The following PHACTR2 variants were observed in gnomAD, a reference collection of about 807,000 sequenced individuals.
PHACTR2 encodes the protein phosphatase and actin regulator 2.
In PHACTR2, 30 loss-of-function variants were observed where a neutral mutation model predicts 76.0. The observed-to-expected ratio is 0.39, with a 90% CI of 0.30 to 0.54. PHACTR2 has a LOEUF of 0.54. Ranked by LOEUF, PHACTR2 falls within the 20% of genes least tolerant of loss-of-function variation. PHACTR2 has a pLI of 0.61. For missense variants in PHACTR2, 696 were observed against 781.1 expected, an observed-to-expected ratio of 0.89 and a Z score of 1.30; for synonymous variants, 292 against 292.5, an observed-to-expected ratio of 1.00 and a Z score of 0.02.
rs1562322648 is a variant in PHACTR2 at position 143,827,158 on chromosome 6, ATATATATATATATATATATAT to A, written c.*3470_*3490del. On this transcript the variant is annotated 3_prime_UTR_variant, in exon 13 of 13. Coordinates refer to ENST00000440869, the MANE Select transcript of PHACTR2 (RefSeq NM_001100164.2). Reference sequence around the variant, plus strand: ...CTGCGTTGGCATTAAAAAAGAAAATATATATATATATATATATATATATATATATATATATATATATGTATA... The same window carrying A: ...CTGCGTTGGCATTAAAAAAGAAAATAATATATATATATATATATATGTATA... The A allele has an allele frequency of 5.2e-3, 177 of 33,806 alleles. 1 individual carries two copies. Among genetic ancestry groups the A allele is most frequent in the African/African-American group, 0.021 (168 of 8,170 alleles). 2.1% of individuals were successfully genotyped at this position (33,806 alleles called of 1,614,324 possible).
Position 143,549,461 on chromosome 6 carries a change from A to T in PHACTR2, c.217+12254A>T, listed in dbSNP as rs920522009. 2.6e-5 allele frequency among the ~76,000 whole-genome samples: 4 copies of T among 151,932 alleles called. No homozygotes were observed. Among genetic ancestry groups the T allele is most frequent in the African/African-American group, 7.2e-5 (3 of 41,500 alleles). On this transcript the variant is annotated intron_variant, in intron 1 of 11. Coordinates refer to the PHACTR2 transcript ENST00000367584. This position sits in a 1 kb window ranked among gnomAD's most constrained non-coding sequence, Gnocchi z 4.2. The stretch of plus-strand genomic sequence containing the variant: ...CCAGATCTGGATTTATTGTTTTTTT[A>T]TGGGGGTGACTGCTCCTTAGGCAGC...
Position 143,656,879 on chromosome 6 carries a change from G to A in PHACTR2, c.13+48557G>A, listed in dbSNP as rs1450366997. Among the ~76,000 whole-genome samples, 1 of 152,194 alleles carries A rather than the reference G, an allele frequency of 6.6e-6. No homozygotes were observed. The highest frequency in any genetic ancestry group is 2.4e-5 in the African/African-American group (1 of 41,448). ...CCAGGTTTCAAATGAACATAGGCTT[G>A]ATTGGCCACACGAAAATTTAAATAT... On this transcript the variant is annotated intron_variant, in intron 1 of 11. Transcript: ENST00000305766. This position sits in a 1 kb window ranked among gnomAD's most constrained non-coding sequence, Gnocchi z 5.3.
rs1015440217 is a variant in PHACTR2, at chr6:143,547,282, A to T, written c.217+10075A>T. On this transcript the variant is annotated intron_variant, in intron 1 of 11. Transcript: ENST00000367584. The surrounding 1 kb of genome is among the most constrained non-coding windows in gnomAD (Gnocchi z 4.2). ...AAAATCATGTCTACATTTGAGTGAC[A>T]TAGATGTACTGTCACTGAGGAAGAT... 1.3e-5 allele frequency among the ~76,000 whole-genome samples: 2 copies of T among 152,218 alleles called. No homozygotes were observed. Among genetic ancestry groups the T allele is most frequent in the Non-Finnish European group, 2.9e-5 (2 of 68,036 alleles).
At chr6:143,786,456 G>C (rs1775559561) in intron 10 of PHACTR2, among the ~76,000 whole-genome samples, 1 of 152,086 alleles carries the variant, frequency 6.6e-6, no homozygotes, top group Non-Finnish European at 1.5e-5. Flanking sequence ...CTTCTTCTGA[G>C]CCTTCCAAAC....
chr6:143,736,554 A>ATTTTTTTTTTT (rs776969170), intron 2 of PHACTR2, among the ~76,000 whole-genome samples: 3 of 56,990 alleles, frequency 5.3e-5, no homozygotes, highest in African/African-American at 2.0e-4. Flanking sequence ...ACCCTTTACA[A>ATTTTTTTTTTT]TTTTTTTTTT....
At position 143,800,584 on chromosome 6, in the gene PHACTR2, T is replaced by C. The variant is rs557742561; in HGVS notation, c.1846-6473T>C. Among the ~76,000 whole-genome samples the C allele has an allele frequency of 6.6e-6, 1 of 152,318 alleles. No individual in the cohort carries two copies. The highest frequency in any genetic ancestry group is 1.5e-5 in the Non-Finnish European group (1 of 68,024). On this transcript the variant is annotated intron_variant, in intron 11 of 12. Transcript: ENST00000440869. This position sits in a 1 kb window ranked among gnomAD's most constrained non-coding sequence, Gnocchi z 4.8. Reference sequence around the variant, plus strand: ...CCCATCCCTTTATTTTGAGCCTATGTGTGTCTTTGCATGTGAGATGGGTCT... The same window carrying C: ...CCCATCCCTTTATTTTGAGCCTATGCGTGTCTTTGCATGTGAGATGGGTCT...
At chr6:143,720,385 G>T (rs1345078950) in intron 2 of PHACTR2, among the ~76,000 whole-genome samples, 1 of 152,104 alleles carries the variant, frequency 6.6e-6, no homozygotes. Context: ...TGGGAGGGAG[G>T]TTACAGTTTC....
chr6:143,724,083 C>T (rs142803674), intron 2 of PHACTR2, among the ~76,000 whole-genome samples: 1 of 152,158 alleles, frequency 6.6e-6, no homozygotes, highest in Non-Finnish European at 1.5e-5. Context: ...CTGCCTCAGC[C>T]TCCCGAGTAC....
rs1195500272 is a variant in PHACTR2, at chr6:143,787,549, A to T, written c.1708-1224A>T. Among the ~76,000 whole-genome samples the T allele has an allele frequency of 6.6e-6, 1 of 152,226 alleles. No individual in the cohort carries two copies. The highest frequency in any genetic ancestry group is 1.5e-5 in the Non-Finnish European group (1 of 68,036). ...GCTTTGAATATTACAGTATTGGCTTAGTTCAGAAGGAAACTGAGGCCCAGG... is the reference window on the plus strand; with the variant it reads ...GCTTTGAATATTACAGTATTGGCTTTGTTCAGAAGGAAACTGAGGCCCAGG... On this transcript the variant is annotated intron_variant, in intron 10 of 12. Coordinates refer to ENST00000440869, the MANE Select transcript of PHACTR2 (RefSeq NM_001100164.2). The surrounding 1 kb of genome is among the most constrained non-coding windows in gnomAD (Gnocchi z 4.6).
rs6936437 is a variant in PHACTR2, at chr6:143,734,456, G to A, written c.215-14529G>A. ...ACCTGACTAGTATCTCAAGTCTCCC[G>A]TCTTTTCCAGGGGGAGTTAGGTTTT... On this transcript the variant is annotated intron_variant, in intron 2 of 12. Coordinates refer to ENST00000440869, the MANE Select transcript of PHACTR2 (RefSeq NM_001100164.2). Among the ~76,000 whole-genome samples the A allele has an allele frequency of 5.5e-3, 833 of 152,236 alleles. 4 individuals carry two copies. The highest frequency in any genetic ancestry group is 0.031 in the Middle Eastern group (9 of 294).
In PHACTR2 at chr6:143,684,821, A is replaced by T. The variant is rs1468760345; in HGVS notation, c.46+6612A>T. Among the ~76,000 whole-genome samples, 1 of 152,214 alleles carries T rather than the reference A, an allele frequency of 6.6e-6. No homozygotes were observed. Among genetic ancestry groups the T allele is most frequent in the Non-Finnish European group, 1.5e-5 (1 of 68,036 alleles). On this transcript the variant is annotated intron_variant, in intron 1 of 12. Transcript: ENST00000440869. This position sits in a 1 kb window ranked among gnomAD's most constrained non-coding sequence, Gnocchi z 4.3. ...TGTGTCCTTCTGCAGTCAACACTCT[A>T]CACAACTGTACATGACCACAATGCT...
At chr6:143,737,508 C>T (rs1582826252) in intron 2 of PHACTR2, among the ~76,000 whole-genome samples, 1 of 152,178 alleles carries the variant, frequency 6.6e-6, no homozygotes, top group East Asian at 1.9e-4. Flanking sequence ...ATTCTTCCTT[C>T]TACATTTCAT....
intron 1 of PHACTR2, among the ~76,000 whole-genome samples, chr6:143,569,246 T>A (rs964882635): frequency 6.6e-6 from 1 of 152,156 alleles, no homozygotes; most frequent in African/African-American, 2.4e-5. Flanking sequence ...TGCATAATTC[T>A]CCAGGCTTTC....
rs1180595961 is a variant in PHACTR2 at position 143,578,074 on chromosome 6, C to G, written c.217+40867C>G. 6.6e-6 allele frequency among the ~76,000 whole-genome samples: 1 copy of G among 152,184 alleles called. No homozygotes were observed. Among genetic ancestry groups the G allele is most frequent in the Admixed American group, 6.5e-5 (1 of 15,284 alleles). On this transcript the variant is annotated intron_variant, in intron 1 of 11. Transcript: ENST00000367584. This position sits in a 1 kb window ranked among gnomAD's most constrained non-coding sequence, Gnocchi z 4.5. ...CACAGTCAACTTGCTTACTAGGCCC[C>G]TCCCTTTCCCTCTCATGGATTAAAT...
chr6:143,746,867 A>G (rs1779079498), intron 2 of PHACTR2, among the ~76,000 whole-genome samples: 1 of 152,036 alleles, frequency 6.6e-6, no homozygotes, highest in Non-Finnish European at 1.5e-5. Flanking sequence ...TGCCCGGTTA[A>G]CTTTTTTCAT....
At position 143,806,990 on chromosome 6, in the gene PHACTR2, C is replaced by T; in HGVS notation, c.1846-67C>T. 1 of 775,042 alleles carries T rather than the reference C, an allele frequency of 1.3e-6. No individual in the cohort carries two copies. The highest frequency in any genetic ancestry group is 2.2e-6 in the Non-Finnish European group (1 of 464,272). The allele number at this position is 775,042 out of a possible 1,614,324, so 48.0% of individuals were successfully genotyped here. ...AAAAAAAAGGTCTGCTTCATTGATG[C>T]TGTATATACTGGGGCAATATATGAC... On this transcript the variant is annotated intron_variant, in intron 11 of 12. Coordinates refer to ENST00000440869, the MANE Select transcript of PHACTR2 (RefSeq NM_001100164.2). The surrounding 1 kb of genome is among the most constrained non-coding windows in gnomAD (Gnocchi z 5.8).
At chr6:143,792,623 T>C (rs548684935) in intron 11 of PHACTR2, among the ~76,000 whole-genome samples, 2 of 152,318 alleles carry the variant, frequency 1.3e-5, no homozygotes, top group East Asian at 3.9e-4. Context: ...TTGACTAAGG[T>C]CACTCAATGT....
chr6:143,565,121 C>G lies in PHACTR2; in HGVS notation c.217+27914C>G, dbSNP rs918772949. ...AAATCAGCTTTCACGAATCCATTCT[C>G]TCATTCTTCTCATTTTAATGAGCAC... On this transcript the variant is annotated intron_variant, in intron 1 of 11. Transcript: ENST00000367584. Among the ~76,000 whole-genome samples, 4 of 152,138 alleles carry G rather than the reference C, an allele frequency of 2.6e-5. No individual in the cohort carries two copies. In the South Asian group the frequency reaches 8.3e-4, roughly 32 times the overall value.
Position 143,731,692 on chromosome 6 carries a change from A to G in PHACTR2, c.215-17293A>G, listed in dbSNP as rs945385220. 6.6e-6 allele frequency among the ~76,000 whole-genome samples: 1 copy of G among 152,192 alleles called. No homozygotes were observed. The highest frequency in any genetic ancestry group is 1.5e-5 in the Non-Finnish European group (1 of 68,032). On this transcript the variant is annotated intron_variant, in intron 2 of 12. Transcript: ENST00000440869. The surrounding 1 kb of genome is among the most constrained non-coding windows in gnomAD (Gnocchi z 4.9). Reference sequence around the variant, plus strand: ...TATTGATCTGTAGTGTTCTTGCACTATCTTTGTCTAGGTTTGATATCAGGG... The same window carrying G: ...TATTGATCTGTAGTGTTCTTGCACTGTCTTTGTCTAGGTTTGATATCAGGG...
Sources: allele counts gnomAD v4.1 joint callset (sites outside exome capture counted in the v4.1 genomes callset), GRCh38; gene constraint gnomAD v4.1.1; non-coding constraint Gnocchi (gnomAD v3.1); transcripts MANE v1.5; gene names NCBI Gene and HGNC (gene_info 2026-07-23, HGNC 2026-07-21).